The following ZSCAN5A variants were observed in gnomAD, a reference collection of about 807,000 sequenced individuals.
ZSCAN5A encodes the protein zinc finger and SCAN domain-containing protein 5A.
A neutral mutation model predicts 23.7 loss-of-function variants in ZSCAN5A; 12 were observed. The observed-to-expected ratio is 0.51, with a 90% CI of 0.32 to 0.82. ZSCAN5A has a LOEUF of 0.82. Among genes scored for constraint, ZSCAN5A ranks in the 40% least tolerant of loss-of-function variants. The pLI is 0.03. For missense variants in ZSCAN5A, 597 were observed against 617.9 expected (o/e 0.97, Z 0.36); for synonymous variants, 257 against 239.9 (o/e 1.07, Z -0.66).
At chr19:56,298,823 C>T (rs1277950024) in intron 2 of ZSCAN5A, among the ~76,000 whole-genome samples, 1 of 152,116 alleles carries the variant, frequency 6.6e-6, no homozygotes, top group Non-Finnish European at 1.5e-5. Flanking sequence ...AAATTAAAAA[C>T]AGTCATTTCC....
chr19:56,296,180 G>C (rs1353210184), intron 2 of ZSCAN5A: 1 of 152,562 alleles, frequency 6.6e-6, no homozygotes, highest in Non-Finnish European at 1.5e-5. Flanking sequence ...GGGGGGAGGT[G>C]GCAGTGGGGA....
rs867174902 is a variant in ZSCAN5A at position 56,352,761 on chromosome 19, G to T, written c.-358+10474C>A. Among the ~76,000 whole-genome samples, 2 of 152,190 alleles carry T rather than the reference G, an allele frequency of 1.3e-5. No individual in the cohort carries two copies. The highest frequency in any genetic ancestry group is 2.4e-5 in the African/African-American group (1 of 41,454). ...GGAAATCTGATCAGGTATCAAGGATGGGGGGATTCTCATTACCCTTGTTGA... is the reference window on the plus strand; with the variant it reads ...GGAAATCTGATCAGGTATCAAGGATTGGGGGATTCTCATTACCCTTGTTGA... On this transcript the variant is annotated intron_variant, in intron 2 of 6. Coordinates refer to the ZSCAN5A transcript ENST00000587340. The surrounding 1 kb of genome is among the most constrained non-coding windows in gnomAD (Gnocchi z 4.2).
chr19:56,243,309 C>G (rs2035578134), intron 2 of ZSCAN5A, among the ~76,000 whole-genome samples: 1 of 152,128 alleles, frequency 6.6e-6, no homozygotes, highest in Non-Finnish European at 1.5e-5. Context: ...GGTTGCACAG[C>G]ATGGTGCATG....
chr19:56,245,388 A>G, intron 2 of ZSCAN5A: 1 of 748,426 alleles, frequency 1.3e-6, no homozygotes, highest in South Asian at 1.4e-5. Context: ...CAAGAGCTGC[A>G]GACCCTGCCC....
chr19:56,322,429 C>A, intron 2 of ZSCAN5A: 1 of 593,672 alleles, frequency 1.7e-6, no homozygotes, highest in Admixed American at 2.7e-5. Context: ...GGCGACCCCG[C>A]AACCCCACCA....
intron 2 of ZSCAN5A, among the ~76,000 whole-genome samples, chr19:56,249,389 A>C (rs928025532): frequency 6.6e-6 from 1 of 152,248 alleles, no homozygotes; most frequent in South Asian, 2.1e-4. Context: ...CACTTGCCTC[A>C]GCCTTCTGAG....
intron 2 of ZSCAN5A, chr19:56,320,329 C>T (rs1382892400): frequency 5.3e-6 from 2 of 378,404 alleles, no homozygotes; most frequent in Middle Eastern, 1.8e-3. Flanking sequence ...GAGTTTGAGA[C>T]CAGCCTGACC....
rs2041670763 is a variant in ZSCAN5A at position 56,352,077 on chromosome 19, T to C, written c.-358+11158A>G. Among the ~76,000 whole-genome samples, 1 of 151,886 alleles carries C rather than the reference T, an allele frequency of 6.6e-6. No individual in the cohort carries two copies. Among genetic ancestry groups the C allele is most frequent in the African/African-American group, 2.4e-5 (1 of 41,296 alleles). On this transcript the variant is annotated intron_variant, in intron 2 of 6. Transcript: ENST00000587340. This position sits in a 1 kb window ranked among gnomAD's most constrained non-coding sequence, Gnocchi z 4.2. ...TGCCCTGCGCTTGGGTATGCTTTGG[T>C]GGATAGTGTGGGGTTTTTTTGTTTG...
intron 2 of ZSCAN5A, among the ~76,000 whole-genome samples, chr19:56,361,242 T>C (rs1314440316): frequency 2.0e-5 from 3 of 152,210 alleles, no homozygotes; most frequent in African/African-American, 4.8e-5. Flanking sequence ...TAGGAATGCT[T>C]TTACACTGTT....
intron 2 of ZSCAN5A, among the ~76,000 whole-genome samples, chr19:56,360,362 A>T (rs531722970): frequency 1.3e-5 from 2 of 152,146 alleles, no homozygotes; most frequent in Non-Finnish European, 2.9e-5. Context: ...AAATACAGCT[A>T]ATAAGGGGAA....
intron 1 of ZSCAN5A, chr19:56,366,042 G>A (rs1235464204): frequency 6.6e-6 from 1 of 152,116 alleles, no homozygotes; most frequent in African/African-American, 2.4e-5. Flanking sequence ...AGAGCCTACC[G>A]TCTTGGGGTT....
In ZSCAN5A at chr19:56,351,542, G is replaced by T. The variant is rs761475346; in HGVS notation, c.-358+11693C>A. 6.6e-6 allele frequency among the ~76,000 whole-genome samples: 1 copy of T among 152,106 alleles called. No homozygotes were observed. The highest frequency in any genetic ancestry group is 2.4e-5 in the African/African-American group (1 of 41,412). The stretch of plus-strand genomic sequence containing the variant: ...GGACTGTCTTTCTGTTGCGCACAGG[G>T]TCTATCTCTGTTCCTTTCCCATGTC... On this transcript the variant is annotated intron_variant, in intron 2 of 6. Transcript: ENST00000587340. The surrounding 1 kb of genome is among the most constrained non-coding windows in gnomAD (Gnocchi z 4.8).
rs1431738825 is a variant in ZSCAN5A, at chr19:56,351,789, AGTG to A, written c.-358+11443_-358+11445del. ...TCTTAACCTGTCGCAGAACAAGAAAAGTGGTGCCGCTAAGATTGCACAGGTGCA... is the reference window on the plus strand; with the variant it reads ...TCTTAACCTGTCGCAGAACAAGAAAAGTGCCGCTAAGATTGCACAGGTGCA... On this transcript the variant is annotated intron_variant, in intron 2 of 6. Transcript: ENST00000587340. This position sits in a 1 kb window ranked among gnomAD's most constrained non-coding sequence, Gnocchi z 4.8. Among the ~76,000 whole-genome samples the A allele has an allele frequency of 1.3e-5, 2 of 152,164 alleles. No homozygotes were observed. The highest frequency in any genetic ancestry group is 2.9e-5 in the Non-Finnish European group (2 of 68,024).
At chr19:56,310,717 T>C (rs992806084) in intron 2 of ZSCAN5A, among the ~76,000 whole-genome samples, 2 of 152,328 alleles carry the variant, frequency 1.3e-5, no homozygotes, top group African/African-American at 4.8e-5. Flanking sequence ...GTTGTGAGGA[T>C]ATGGCTGTTC....
At chr19:56,282,620 T>A (rs528152094) in intron 2 of ZSCAN5A, 29 of 456,262 alleles carry the variant, frequency 6.4e-5, no homozygotes, top group African/African-American at 5.5e-4. Context: ...TAGCTTCTAA[T>A]AGCGGAACTA....
chr19:56,230,762 A>G (rs1169900096), intron 2 of ZSCAN5A, among the ~76,000 whole-genome samples: 2 of 152,154 alleles, frequency 1.3e-5, no homozygotes, highest in Admixed American at 1.3e-4. Flanking sequence ...TGTGAATGTA[A>G]AATATAGAAA....
At chr19:56,245,259 A>G in intron 2 of ZSCAN5A, 1 of 682,054 alleles carries the variant, frequency 1.5e-6, no homozygotes. Flanking sequence ...TATCTTATGC[A>G]GGAATCAGAT....
At chr19:56,243,230 G>A (rs2035571559) in intron 2 of ZSCAN5A, among the ~76,000 whole-genome samples, 4 of 152,194 alleles carry the variant, frequency 2.6e-5, no homozygotes, top group South Asian at 4.1e-4. Context: ...GTGGGCAGAG[G>A]GTGATCATTG....
rs1203771251 is a variant in ZSCAN5A, at chr19:56,224,755, G to A, written c.292C>T (p.Gln98Ter). 1 of 1,603,106 alleles carries A rather than the reference G, an allele frequency of 6.2e-7. No individual in the cohort carries two copies. The highest frequency in any genetic ancestry group is 8.5e-7 in the Non-Finnish European group (1 of 1,172,616). Residue 98 changes from glutamine (Q) to a stop codon, truncating the protein, a stop_gained, in exon 3 of 6, where the codon CAG becomes TAG. Coordinates refer to ENST00000683990, the MANE Select transcript of ZSCAN5A (RefSeq NM_001322064.3). LOFTEE classifies it high-confidence loss of function. The part of the protein sequence containing the change: ...VMEQFMISMP[Q>*]ELQVLVMMNG... The stretch of plus-strand genomic sequence containing the variant: ...ATCATGACTAAGACCTGGAGCTCCT[G>A]GGGCATGGAGATCATGAACTGCTCC...
Sources: gnomAD v4.1 joint callset for allele counts (sites outside exome capture counted in the v4.1 genomes callset) on GRCh38, gnomAD v4.1.1 for gene constraint, Gnocchi (gnomAD v3.1) non-coding constraint, MANE v1.5 for transcripts, NCBI Gene and HGNC (gene_info 2026-07-23, HGNC 2026-07-21) for gene names.